The following CCDC102B variants were observed in gnomAD, a reference collection of about 807,000 sequenced individuals.
CCDC102B encodes coiled-coil domain containing 102B, also known as coiled-coil domain-containing protein 102B.
In CCDC102B, 75 loss-of-function variants were observed where a neutral mutation model predicts 57.4. The ratio of observed to expected loss-of-function variants is 1.31; its 90% CI spans 1.08 to 1.58. The LOEUF (loss-of-function observed/expected upper bound fraction) is 1.58. Ranked by LOEUF, CCDC102B falls within the 40% of genes most tolerant of loss-of-function variation. The pLI is 0.00. For missense variants in CCDC102B, 636 were observed against 582.6 expected (o/e 1.09, Z -0.94); for synonymous variants, 206 against 201.9 (o/e 1.02, Z -0.17).
intron 7 of CCDC102B, among the ~76,000 whole-genome samples, chr18:69,011,393 TGTTTAAA>T (rs1275116158): frequency 1.3e-5 from 2 of 150,598 alleles, no homozygotes; most frequent in Middle Eastern, 3.2e-3. Flanking sequence ...TGTGTGTGTG[TGTTTAAA>T]TATAGGCACA....
chr18:68,725,021 C>T (rs1185623402), intron 2 of CCDC102B, among the ~76,000 whole-genome samples: 4 of 152,152 alleles, frequency 2.6e-5, no homozygotes, highest in Non-Finnish European at 2.9e-5. Flanking sequence ...ACAATCATGG[C>T]GGAAGGCACC....
chr18:68,802,890 G>T (rs9960396), intron 1 of CCDC102B, among the ~76,000 whole-genome samples: 4,920 of 152,270 alleles, frequency 0.032, 188 homozygotes, highest in African/African-American at 0.089. Flanking sequence ...ACATGGCTTT[G>T]TTCTCCCAAA....
At chr18:68,867,827 G>A (rs201468003) in intron 4 of CCDC102B, among the ~76,000 whole-genome samples, 3 of 105,324 alleles carry the variant, frequency 2.8e-5, no homozygotes, top group Non-Finnish European at 4.2e-5. Context: ...CCAGCTACTC[G>A]ACAGGCTGAG....
chr18:68,828,261 T>G (rs571428243), intron 1 of CCDC102B, among the ~76,000 whole-genome samples: 1 of 137,888 alleles, frequency 7.3e-6, no homozygotes, highest in Non-Finnish European at 1.5e-5. Flanking sequence ...CACCATACAA[T>G]TGCAGAATAT....
At chr18:68,875,678 A>G (rs2039415586) in intron 5 of CCDC102B, among the ~76,000 whole-genome samples, 1 of 152,122 alleles carries the variant, frequency 6.6e-6, no homozygotes, top group African/African-American at 2.4e-5. Flanking sequence ...TGATTACTTT[A>G]TTCTGGTCAA....
intron 2 of CCDC102B, among the ~76,000 whole-genome samples, chr18:68,726,548 C>T (rs1013232229): frequency 5.3e-5 from 8 of 152,196 alleles, no homozygotes; most frequent in African/African-American, 1.7e-4. Context: ...CACTATTCAA[C>T]TGCTAAATAG....
intron 6 of CCDC102B, among the ~76,000 whole-genome samples, chr18:68,928,173 C>G (rs534537368): frequency 6.6e-6 from 1 of 152,016 alleles, no homozygotes; most frequent in South Asian, 2.1e-4. Context: ...AATATTGGCT[C>G]ACACTAAGAA....
intron 4 of CCDC102B, among the ~76,000 whole-genome samples, chr18:68,869,955 C>T (rs553666416): frequency 2.0e-5 from 3 of 152,064 alleles, no homozygotes; most frequent in Non-Finnish European, 4.4e-5. Context: ...AGCCAGTTTT[C>T]CCAGCACTAT....
intron 2 of CCDC102B, among the ~76,000 whole-genome samples, chr18:68,764,783 A>G (rs776400296): frequency 1.5e-4 from 23 of 152,148 alleles, no homozygotes; most frequent in Admixed American, 3.9e-4. Flanking sequence ...GTGACATAAT[A>G]AGAAAATAAT....
chr18:68,747,878 C>T (rs1015251763), intron 2 of CCDC102B, among the ~76,000 whole-genome samples: 1 of 152,112 alleles, frequency 6.6e-6, no homozygotes, highest in Non-Finnish European at 1.5e-5. Context: ...TAGTTATATA[C>T]CCAGCAATGG....
At chr18:68,724,114 C>G (rs1273312304) in intron 2 of CCDC102B, among the ~76,000 whole-genome samples, 1 of 152,206 alleles carries the variant, frequency 6.6e-6, no homozygotes, top group Non-Finnish European at 1.5e-5. Flanking sequence ...AAGCAATTTC[C>G]CAAGCTATGC....
chr18:68,879,555 A>G (rs1847252762), intron 5 of CCDC102B, among the ~76,000 whole-genome samples: 1 of 151,572 alleles, frequency 6.6e-6, no homozygotes, highest in Non-Finnish European at 1.5e-5. Context: ...CTAGATACAG[A>G]GTGTCAACAC....
intron 2 of CCDC102B, among the ~76,000 whole-genome samples, chr18:68,759,681 T>A (rs139859597): frequency 7.0e-4 from 107 of 152,228 alleles, no homozygotes; most frequent in African/African-American, 2.5e-3. Flanking sequence ...TTTATTTTTA[T>A]AAGTCCTTTC....
At chr18:68,840,712 A>G (rs2037590572) in intron 3 of CCDC102B, among the ~76,000 whole-genome samples, 2 of 152,152 alleles carry the variant, frequency 1.3e-5, no homozygotes, top group South Asian at 2.1e-4. Flanking sequence ...GCCCACATAC[A>G]ATATTACTTC....
At chr18:69,001,328 GT>G (rs2051195173) in intron 6 of CCDC102B, among the ~76,000 whole-genome samples, 1 of 151,902 alleles carries the variant, frequency 6.6e-6, no homozygotes, top group East Asian at 1.9e-4. Flanking sequence ...TGTTGTTGTT[GT>G]TGTTTGCTGT....
chr18:68,935,329 C>T lies in CCDC102B; in HGVS notation c.1263+37901C>T, dbSNP rs376378468. Among the ~76,000 whole-genome samples, 326 of 151,854 alleles carry T rather than the reference C, an allele frequency of 2.1e-3. 2 individuals carry two copies. The highest frequency in any genetic ancestry group is 7.6e-3 in the African/African-American group (313 of 41,434). On this transcript the variant is annotated intron_variant, in intron 6 of 7. Coordinates refer to ENST00000360242, the MANE Select transcript of CCDC102B (RefSeq NM_024781.3). The stretch of plus-strand genomic sequence containing the variant: ...AGATGTGCTGATGGATGAGAGAGAA[C>T]GTGAGGAGTCAAGAATGACTCCGGG...
At chr18:69,045,860 TG>T (rs1296359103) in intron 7 of CCDC102B, among the ~76,000 whole-genome samples, 21 of 152,200 alleles carry the variant, frequency 1.4e-4, no homozygotes, top group Non-Finnish European at 5.9e-5. Flanking sequence ...ATGTGGTATT[TG>T]GTTTTCTGTT....
intron 2 of CCDC102B, among the ~76,000 whole-genome samples, chr18:68,730,463 A>T (rs891306543): frequency 6.6e-6 from 1 of 152,140 alleles, no homozygotes; most frequent in Non-Finnish European, 1.5e-5. Flanking sequence ...ACTCCGAAGA[A>T]ATATTTTGGA....
rs2049768510 is a variant in CCDC102B, at chr18:68,953,805, G to A, written c.1263+56377G>A. 2.6e-5 allele frequency among the ~76,000 whole-genome samples: 4 copies of A among 152,224 alleles called. No homozygotes were observed. In the South Asian group the frequency reaches 8.3e-4, roughly 32 times the overall value. On this transcript the variant is annotated intron_variant, in intron 6 of 7. Coordinates refer to ENST00000360242, the MANE Select transcript of CCDC102B (RefSeq NM_024781.3). ...AATGGGTCATGGTGCAAGCACACAG[G>A]TGGATGTGGCAGTAGTGTAATGTTC...
Sources: gnomAD v4.1 joint callset for allele counts (sites outside exome capture counted in the v4.1 genomes callset) on GRCh38, gnomAD v4.1.1 for gene constraint, MANE v1.5 for transcripts, NCBI Gene and HGNC (gene_info 2026-07-23, HGNC 2026-07-21) for gene names.